The following GLMN variants were observed in gnomAD, a reference collection of about 807,000 sequenced individuals.
GLMN encodes glomulin.
GLMN carries 75 observed loss-of-function variants against 87.8 expected under a neutral mutation model. That is an observed-to-expected ratio of 0.85 (90% CI 0.71 to 1.04). The LOEUF is 1.04. Among genes scored for constraint, GLMN ranks in the 50% least tolerant of loss-of-function variants. The probability of loss-of-function intolerance (pLI) is 0.00; values close to 1 mark genes in which losing one functional copy is unlikely to be tolerated. For synonymous variants in GLMN, 206 were observed against 221.6 expected (o/e 0.93, Z 0.63); for missense variants, 588 against 658.8 (o/e 0.89, Z 1.18).
upstream of GLMN, among the ~76,000 whole-genome samples, chr1:92,301,088 C>T (rs549959570): frequency 1.9e-3 from 282 of 152,320 alleles, no homozygotes; most frequent in African/African-American, 6.4e-3. Flanking sequence ...GCTAAGTAGA[C>T]ATTAACCATA....
chr1:92,279,952 G>A (rs1229207528), intron 7 of GLMN, among the ~76,000 whole-genome samples: 1 of 152,214 alleles, frequency 6.6e-6, no homozygotes, highest in Non-Finnish European at 1.5e-5. Flanking sequence ...TAAACAAAGA[G>A]GCCTGGAAGC....
the GLMN span, among the ~76,000 whole-genome samples, chr1:92,337,198 A>G: frequency 6.6e-6 from 1 of 152,080 alleles, no homozygotes; most frequent in African/African-American, 2.4e-5. Context: ...GAAATTTATC[A>G]TATATATTTA....
chr1:92,301,348 CA>C (rs904357095), upstream of GLMN: 240 of 383,752 alleles, frequency 6.3e-4, no homozygotes, highest in Non-Finnish European at 8.8e-4. Flanking sequence ...TATTTTTATT[CA>C]AAAAATTTTT....
chr1:92,304,232 G>T, the GLMN span: 11 of 1,256,754 alleles, frequency 8.8e-6, no homozygotes, highest in East Asian at 2.3e-4. Flanking sequence ...GTAACATAAC[G>T]TTCATGTTTA....
At chr1:92,254,745 A>T (rs2100812697) in intron 16 of GLMN, among the ~76,000 whole-genome samples, 1 of 152,334 alleles carries the variant, frequency 6.6e-6, no homozygotes, top group African/African-American at 2.4e-5. Flanking sequence ...CTGCCTTACA[A>T]GAGCTCCTGA....
At chr1:92,344,918 A>T in the GLMN span, among the ~76,000 whole-genome samples, 1 of 152,066 alleles carries the variant, frequency 6.6e-6, no homozygotes, top group Non-Finnish European at 1.5e-5. Context: ...ATTGGCTGAT[A>T]TTTTCTTATT....
At chr1:92,320,681 A>G in the GLMN span, 8 of 1,495,388 alleles carry the variant, frequency 5.3e-6, no homozygotes, top group Non-Finnish European at 7.4e-6. Context: ...TTATGTTAAT[A>G]GAAACATTAG....
chr1:92,340,370 A>G, the GLMN span, among the ~76,000 whole-genome samples: 19 of 152,218 alleles, frequency 1.2e-4, no homozygotes, highest in Admixed American at 1.2e-3. Flanking sequence ...TAGGGCTGCC[A>G]GGTGAAGCTT....
upstream of GLMN, among the ~76,000 whole-genome samples, chr1:92,303,774 CT>C (rs1003212005): frequency 6.6e-6 from 1 of 151,298 alleles, no homozygotes; most frequent in African/African-American, 2.4e-5. Flanking sequence ...TTAATAATAA[CT>C]TTTTTTTTGA....
intron 8 of GLMN, among the ~76,000 whole-genome samples, chr1:92,271,006 T>A (rs1276860658): frequency 6.6e-6 from 1 of 152,160 alleles, no homozygotes; most frequent in African/African-American, 2.4e-5. Flanking sequence ...ACTTTATTCT[T>A]AAAGCAATAA....
upstream of GLMN, among the ~76,000 whole-genome samples, chr1:92,300,850 T>G (rs1650791356): frequency 6.6e-6 from 1 of 152,238 alleles, no homozygotes; most frequent in South Asian, 2.1e-4. Flanking sequence ...GAAGATATGG[T>G]GAACAGAATA....
chr1:92,338,400 T>C, the GLMN span, among the ~76,000 whole-genome samples: 1 of 152,230 alleles, frequency 6.6e-6, no homozygotes, highest in Non-Finnish European at 1.5e-5. Flanking sequence ...GTGTGTCCTG[T>C]TAGTAATGAC....
At chr1:92,289,684 T>A (rs1164593412) in intron 5 of GLMN, among the ~76,000 whole-genome samples, 2 of 152,206 alleles carry the variant, frequency 1.3e-5, no homozygotes, top group Admixed American at 1.3e-4. Context: ...CTAAGACCCA[T>A]TACCTACCAA....
At chr1:92,365,660 A>G in the GLMN span, among the ~76,000 whole-genome samples, 5 of 152,352 alleles carry the variant, frequency 3.3e-5, no homozygotes, top group Admixed American at 6.5e-5. Context: ...CCTCTTGACT[A>G]TCACAAAGGA....
upstream of GLMN, among the ~76,000 whole-genome samples, chr1:92,300,441 C>T: frequency 6.6e-6 from 1 of 152,108 alleles, no homozygotes. Flanking sequence ...CCAAACTAAG[C>T]ACTCAGACTG....
chr1:92,324,163 G>T, the GLMN span: 12 of 1,614,002 alleles, frequency 7.4e-6, no homozygotes, highest in African/African-American at 1.3e-5. Flanking sequence ...CATAATCTCA[G>T]ATCCAGATAG....
the GLMN span, chr1:92,323,483 C>T: frequency 2.5e-6 from 4 of 1,612,012 alleles, no homozygotes; most frequent in African/African-American, 4.0e-5. Flanking sequence ...TGCAGTAAAG[C>T]CATTAAAACA....
At chr1:92,284,021 A>G (rs1017351887) in intron 7 of GLMN, among the ~76,000 whole-genome samples, 2 of 152,222 alleles carry the variant, frequency 1.3e-5, no homozygotes, top group South Asian at 4.1e-4. Flanking sequence ...GGAAGAATCA[A>G]TATCATGAAA....
the GLMN span, among the ~76,000 whole-genome samples, chr1:92,313,252 C>T: frequency 1.3e-5 from 2 of 152,168 alleles, no homozygotes; most frequent in Non-Finnish European, 2.9e-5. Context: ...AGAGGAATCA[C>T]TCTATGGCAA....
Sources: gnomAD v4.1 joint callset for allele counts (sites outside exome capture counted in the v4.1 genomes callset) on GRCh38, gnomAD v4.1.1 for gene constraint, MANE v1.5 for transcripts, NCBI Gene and HGNC (gene_info 2026-07-23, HGNC 2026-07-21) for gene names.